Variants in LPGAT1 observed in about 807,000 individuals in gnomAD.
The protein encoded by LPGAT1 is lysophosphatidylglycerol acyltransferase 1.
LPGAT1 carries 11 observed loss-of-function variants against 47.5 expected under a neutral mutation model. That is an observed-to-expected ratio of 0.23 (90% CI 0.15 to 0.38). The LOEUF (loss-of-function observed/expected upper bound fraction) is 0.38, where lower values mean the gene tolerates loss of function less well. Among genes scored for constraint, LPGAT1 ranks in the 10% least tolerant of loss-of-function variants. The pLI is 1.00. For synonymous variants in LPGAT1, 138 were observed against 144.2 expected (o/e 0.96, Z 0.31); for missense variants, 293 against 439.0 (o/e 0.67, Z 2.97).
In LPGAT1 at chr1:211,829,116, T is replaced by G; in HGVS notation, c.181A>C (p.Met61Leu). 6.2e-7 allele frequency: 1 copy of G among 1,614,162 alleles called. No individual in the cohort carries two copies. Among genetic ancestry groups the G allele is most frequent in the Non-Finnish European group, 8.5e-7 (1 of 1,180,022 alleles). ...ACCATTCCTAAAAGCCATTTATACA[T>G]GATTCCTTCGATATACCAGAACCGC... Reference protein sequence around the residue: ...SKRFWYIEGIMYKWLLGMVAS... With the variant: ...SKRFWYIEGILYKWLLGMVAS... Residue 61 changes from methionine (M) to leucine (L), a missense_variant, in exon 2 of 8, where the codon ATG (methionine) becomes CTG (leucine). Transcript: ENST00000366997.
chr1:211,819,461 C>G (rs1308010642), intron 2 of LPGAT1, among the ~76,000 whole-genome samples: 1 of 152,138 alleles, frequency 6.6e-6, no homozygotes, highest in Admixed American at 6.5e-5. Context: ...CATGGTATTA[C>G]AGCCTGGGTG....
Position 211,810,428 on chromosome 1 carries a change from T to C in LPGAT1, c.239-17238A>G, listed in dbSNP as rs550255215. On this transcript the variant is annotated intron_variant, in intron 2 of 7. Transcript: ENST00000366997. Reference sequence around the variant, plus strand: ...TTTGCCTGCCTTTCCAGTCAACAGATGTATGCCCTGGAGTACAGATAGACT... The same window carrying C: ...TTTGCCTGCCTTTCCAGTCAACAGACGTATGCCCTGGAGTACAGATAGACT... 2.0e-5 allele frequency among the ~76,000 whole-genome samples: 3 copies of C among 152,290 alleles called. No homozygotes were observed. The East Asian group carries it at 5.8e-4, about 29-fold the overall frequency.
intron 2 of LPGAT1, among the ~76,000 whole-genome samples, chr1:211,802,170 C>T (rs968665259): frequency 3.3e-5 from 5 of 151,390 alleles, no homozygotes; most frequent in South Asian, 2.1e-4. Context: ...GGAGTTTTCA[C>T]TTCTTTTCTA....
At chr1:211,752,246 C>T (rs1015735457) in intron 6 of LPGAT1, among the ~76,000 whole-genome samples, 6 of 152,132 alleles carry the variant, frequency 3.9e-5, no homozygotes, top group African/African-American at 1.4e-4. Flanking sequence ...AACTCTCAGG[C>T]AATTGTCTAT....
intron 2 of LPGAT1, among the ~76,000 whole-genome samples, chr1:211,812,245 AT>A (rs1309518980): frequency 6.6e-6 from 1 of 152,266 alleles, no homozygotes; most frequent in African/African-American, 2.4e-5. Flanking sequence ...AAAAAGTCTT[AT>A]CAAAGGATAA....
At chr1:211,756,381 A>C (rs1657451605) in intron 6 of LPGAT1, among the ~76,000 whole-genome samples, 1 of 152,176 alleles carries the variant, frequency 6.6e-6, no homozygotes, top group Non-Finnish European at 1.5e-5. Flanking sequence ...CTCAGGCTGG[A>C]GCGTAGTGGC....
intron 6 of LPGAT1, among the ~76,000 whole-genome samples, chr1:211,764,277 T>C (rs574352960): frequency 6.6e-6 from 1 of 152,354 alleles, no homozygotes; most frequent in East Asian, 1.9e-4. Flanking sequence ...GTGCCTGTTT[T>C]GTCTAACAGA....
At chr1:211,750,123 A>G in intron 7 of LPGAT1, 73 bp from the exon 8 acceptor site, 1 of 1,316,526 alleles carries the variant, frequency 7.6e-7, no homozygotes, top group Middle Eastern at 1.9e-4. Context: ...GTTGAATATT[A>G]GCTTAACTAC....
intron 6 of LPGAT1, among the ~76,000 whole-genome samples, chr1:211,771,091 A>G (rs1324004887): frequency 1.3e-5 from 2 of 149,574 alleles, no homozygotes; most frequent in African/African-American, 2.5e-5. Context: ...AGAGAGAGAC[A>G]CTATCTCAAA....
At position 211,747,464 on chromosome 1, in the gene LPGAT1, G is replaced by GTA. The variant is rs1322275124; in HGVS notation, c.*2433_*2434dup. 1 of 152,164 alleles carries GTA rather than the reference G, an allele frequency of 6.6e-6. No homozygotes were observed. 9.4% of individuals were successfully genotyped at this position (152,164 alleles called of 1,614,324 possible). ...AGCATCTTATAGAATAGTTTAATGT[G>GTA]TACAGTATATTTAACAATATCATGT... On this transcript the variant is annotated 3_prime_UTR_variant, in exon 8 of 8. Transcript: ENST00000366997.
intron 6 of LPGAT1, among the ~76,000 whole-genome samples, chr1:211,757,483 T>C (rs1657511441): frequency 6.6e-6 from 1 of 152,228 alleles, no homozygotes; most frequent in South Asian, 2.1e-4. Flanking sequence ...ATGCTAGTAT[T>C]GGTTGTGCTG....
rs1657096005 is a variant in LPGAT1 at position 211,749,755 on chromosome 1, C to T, written c.*144G>A. On this transcript the variant is annotated 3_prime_UTR_variant, in exon 8 of 8. Coordinates refer to ENST00000366997, the MANE Select transcript of LPGAT1 (RefSeq NM_014873.3). ...TCATTTTAGTAGATTTTAAAATATCCCAAAGGGGGATAAATATTAATCCAT... is the reference window on the plus strand; with the variant it reads ...TCATTTTAGTAGATTTTAAAATATCTCAAAGGGGGATAAATATTAATCCAT... 4.9e-6 allele frequency: 4 copies of T among 815,422 alleles called. No individual in the cohort carries two copies. The highest frequency in any genetic ancestry group is 8.0e-6 in the Non-Finnish European group (4 of 498,854). 50.5% of individuals were successfully genotyped at this position (815,422 alleles called of 1,614,324 possible). A position where few individuals can be genotyped will look rare whatever the true frequency, so the allele number is the denominator to read the frequency against.
chr1:211,783,204 T>TA (rs1558266528), intron 5 of LPGAT1, 25 bp downstream of exon 5: 7 of 1,571,956 alleles, frequency 4.5e-6, no homozygotes, highest in Non-Finnish European at 6.1e-6. Context: ...TCCAACAAGG[T>TA]AAAAAATGCT....
In LPGAT1 at chr1:211,830,531, C is replaced by T. The variant is rs1005347650; in HGVS notation, c.-28+42G>A. The T allele has an allele frequency of 7.5e-6, 9 of 1,194,576 alleles. No individual in the cohort carries two copies. Among genetic ancestry groups the T allele is most frequent in the African/African-American group, 1.6e-5 (1 of 62,900 alleles). The allele number at this position is 1,194,576 out of a possible 1,614,324, so 74.0% of individuals were successfully genotyped here. A position where few individuals can be genotyped will look rare whatever the true frequency, so the allele number is the denominator to read the frequency against. On this transcript the variant is annotated intron_variant, in intron 1 of 7. Coordinates refer to ENST00000366997, the MANE Select transcript of LPGAT1 (RefSeq NM_014873.3). The surrounding 1 kb of genome is among the most constrained non-coding windows in gnomAD (Gnocchi z 5.9). ...CCCAGCGCCTCCCCTGGCCCGGCTC[C>T]GCTGCCGCTCTGGGGCCTGCGACCG...
At chr1:211,793,511 C>CA (rs1659225675) in intron 2 of LPGAT1, among the ~76,000 whole-genome samples, 1 of 151,932 alleles carries the variant, frequency 6.6e-6, no homozygotes, top group African/African-American at 2.4e-5. Context: ...TGGCTCACTG[C>CA]AACCTCTACC....
At chr1:211,767,144 C>A (rs1355712761) in intron 6 of LPGAT1, among the ~76,000 whole-genome samples, 1 of 151,902 alleles carries the variant, frequency 6.6e-6, no homozygotes, top group Admixed American at 6.6e-5. Flanking sequence ...AAGTTTTTTT[C>A]TTTTTTTCTT....
chr1:211,760,424 C>T (rs1169066090), intron 6 of LPGAT1, among the ~76,000 whole-genome samples: 8 of 152,316 alleles, frequency 5.3e-5, no homozygotes, highest in Non-Finnish European at 7.3e-5. Flanking sequence ...CACTGCACTC[C>T]GGCCTGGGCA....
intron 6 of LPGAT1, among the ~76,000 whole-genome samples, chr1:211,756,829 G>A (rs190503126): frequency 1.1e-4 from 17 of 150,816 alleles, no homozygotes; most frequent in African/African-American, 3.6e-4. Context: ...CCCTGGCTGA[G>A]ATTCCCTTCT....
intron 2 of LPGAT1, among the ~76,000 whole-genome samples, chr1:211,826,214 T>A (rs1034176461): frequency 5.3e-5 from 8 of 152,242 alleles, no homozygotes; most frequent in African/African-American, 1.9e-4. Flanking sequence ...AAGAAGCATG[T>A]ATGAATTTAC....
Sources: gnomAD v4.1 joint callset for allele counts (sites outside exome capture counted in the v4.1 genomes callset) on GRCh38, gnomAD v4.1.1 for gene constraint, Gnocchi (gnomAD v3.1) non-coding constraint, MANE v1.5 for transcripts, NCBI Gene and HGNC (gene_info 2026-07-23, HGNC 2026-07-21) for gene names.